SLC16A7: variants seen among roughly 807,000 people sequenced by gnomAD.
SLC16A7 encodes the protein monocarboxylate transporter 2.
In SLC16A7, 33 loss-of-function variants were observed where a neutral mutation model predicts 34.9. That is an observed-to-expected ratio of 0.94 (90% CI 0.72 to 1.26). SLC16A7 has a LOEUF of 1.26. Ranked by LOEUF, SLC16A7 falls within the 50% of genes most tolerant of loss-of-function variation. The pLI is 0.00. For synonymous variants in SLC16A7, 201 were observed against 206.6 expected (o/e 0.97, Z 0.23); for missense variants, 573 against 578.1 (o/e 0.99, Z 0.09).
At position 59,734,445 on chromosome 12, in the gene SLC16A7, AG is replaced by A. The variant is rs537326831; in HGVS notation, c.217+29433del. 9.2e-5 allele frequency among the ~76,000 whole-genome samples: 14 copies of A among 152,316 alleles called. No individual in the cohort carries two copies. In the South Asian group the frequency reaches 2.7e-3, roughly 29 times the overall value. ...CAGGCACTTCTGAGCCTGCAGGGGC[AG>A]GGGGGCTTCCTGGGCCCCAGAGAGT... On this transcript the variant is annotated intron_variant, in intron 3 of 5. Coordinates refer to ENST00000547379, the MANE Select transcript of SLC16A7 (RefSeq NM_001270623.2).
intron 2 of SLC16A7, among the ~76,000 whole-genome samples, chr12:59,661,073 A>G (rs1868824952): frequency 6.6e-6 from 1 of 151,998 alleles, no homozygotes; most frequent in Non-Finnish European, 1.5e-5. Flanking sequence ...TGTTATTCCT[A>G]TGTGGAGGAG....
intron 2 of SLC16A7, among the ~76,000 whole-genome samples, chr12:59,689,967 A>G (rs765839917): frequency 2.6e-5 from 4 of 151,992 alleles, no homozygotes; most frequent in African/African-American, 7.2e-5. Flanking sequence ...GCTCTCTATG[A>G]TGCTTCCAAC....
chr12:59,779,481 TGTG>T lies in SLC16A7; in HGVS notation c.1242_1244del (p.Val415del). Reference sequence around the variant, plus strand: ...ACATGTACATGTCCTGTGGGGCTATTGTGGTAGCAGCAAGCGTGTGGCTGCTCA... The same window carrying T: ...ACATGTACATGTCCTGTGGGGCTATTGTAGCAGCAAGCGTGTGGCTGCTCA... On this transcript the variant is annotated inframe_deletion, in exon 6 of 6. Transcript: ENST00000547379. The T allele has an allele frequency of 6.2e-7, 1 of 1,611,718 alleles. No homozygotes were observed. Among genetic ancestry groups the T allele is most frequent in the Non-Finnish European group, 8.5e-7 (1 of 1,178,062 alleles).
At chr12:59,667,334 A>G (rs1277457144) in intron 2 of SLC16A7, among the ~76,000 whole-genome samples, 1 of 152,190 alleles carries the variant, frequency 6.6e-6, no homozygotes, top group Non-Finnish European at 1.5e-5. Context: ...AGGGCTCAGA[A>G]GACAGTAAGA....
At chr12:59,676,496 T>A (rs551835058) in intron 2 of SLC16A7, among the ~76,000 whole-genome samples, 1 of 152,096 alleles carries the variant, frequency 6.6e-6, no homozygotes, top group Non-Finnish European at 1.5e-5. Context: ...AATAATGGAT[T>A]TTTTTAACCA....
intron 3 of SLC16A7, among the ~76,000 whole-genome samples, chr12:59,721,442 T>G (rs1875578080): frequency 6.6e-6 from 1 of 151,986 alleles, no homozygotes; most frequent in African/African-American, 2.4e-5. Flanking sequence ...AAATTGTATC[T>G]TCTCTCTCCA....
rs1287600259 is a variant in SLC16A7, at chr12:59,604,512, T to A, written c.-130+8276T>A. Reference sequence around the variant, plus strand: ...TGTATAATAAGTGAATTTAAGGACATTGGACCAAATAAGTGGCTATTAAGT... The same window carrying A: ...TGTATAATAAGTGAATTTAAGGACAATGGACCAAATAAGTGGCTATTAAGT... On this transcript the variant is annotated intron_variant, in intron 1 of 5. Transcript: ENST00000547379. Among the ~76,000 whole-genome samples, 3 of 152,200 alleles carry A rather than the reference T, an allele frequency of 2.0e-5. No individual in the cohort carries two copies. In the East Asian group the frequency reaches 5.8e-4, roughly 29 times the overall value.
Position 59,781,988 on chromosome 12 carries a change from T to C in SLC16A7, c.*2309T>C, listed in dbSNP as rs1269868634. 2 of 152,198 alleles carry C rather than the reference T, an allele frequency of 1.3e-5. No individual in the cohort carries two copies. The highest frequency in any genetic ancestry group is 4.8e-5 in the African/African-American group (2 of 41,456). The allele number at this position is 152,198 out of a possible 1,614,324, so 9.4% of individuals were successfully genotyped here. A position where few individuals can be genotyped will look rare whatever the true frequency, so the allele number is the denominator to read the frequency against. On this transcript the variant is annotated 3_prime_UTR_variant, in exon 6 of 6. Coordinates refer to ENST00000547379, the MANE Select transcript of SLC16A7 (RefSeq NM_001270623.2). The stretch of plus-strand genomic sequence containing the variant: ...GCCTTCTCCAGGGAGGAGGTTTATT[T>C]ACTTACTGATGAGTTTCTCGTCACG...
chr12:59,740,425 C>T (rs1414607460), intron 3 of SLC16A7, among the ~76,000 whole-genome samples: 3 of 152,096 alleles, frequency 2.0e-5, no homozygotes, highest in Non-Finnish European at 4.4e-5. Flanking sequence ...GGTACCAGTA[C>T]CATGCTGTTT....
chr12:59,710,041 A>T (rs12307814), intron 3 of SLC16A7, among the ~76,000 whole-genome samples: 2 of 151,700 alleles, frequency 1.3e-5, no homozygotes, highest in East Asian at 1.9e-4. Context: ...AATATAAGTT[A>T]TATAAATTAT....
At chr12:59,653,941 C>T (rs1183780979) in intron 1 of SLC16A7, among the ~76,000 whole-genome samples, 1 of 151,578 alleles carries the variant, frequency 6.6e-6, no homozygotes, top group East Asian at 1.9e-4. Flanking sequence ...TTCTTGATTA[C>T]ATCTCAAAGT....
intron 5 of SLC16A7, 120 bp from the exon 6 acceptor site, chr12:59,779,303 A>G (rs1368615609): frequency 1.3e-6 from 1 of 745,344 alleles, no homozygotes. Flanking sequence ...TTATTTTTAA[A>G]GTCTTATTTG....
rs762631409 is a variant in SLC16A7 at position 59,779,416 on chromosome 12, C to G, written c.1181-7C>G. 1.3e-6 allele frequency: 2 copies of G among 1,569,598 alleles called. No homozygotes were observed. The highest frequency in any genetic ancestry group is 1.7e-6 in the Non-Finnish European group (2 of 1,154,434). Reference sequence around the variant, plus strand: ...TGCCAACTTAAAAGATGTTCTTTGTCTTCTAGGTAAATTGGTGGATTTAAC... The same window carrying G: ...TGCCAACTTAAAAGATGTTCTTTGTGTTCTAGGTAAATTGGTGGATTTAAC... On this transcript the variant is annotated splice_region_variant and splice_polypyrimidine_tract_variant and intron_variant, in intron 5 of 5. Coordinates refer to ENST00000547379, the MANE Select transcript of SLC16A7 (RefSeq NM_001270623.2).
intron 1 of SLC16A7, among the ~76,000 whole-genome samples, chr12:59,614,692 A>G (rs1879355958): frequency 6.6e-6 from 1 of 151,412 alleles, no homozygotes; most frequent in Admixed American, 6.6e-5. Context: ...CCCTTATATA[A>G]ATGAGGATCC....
intron 3 of SLC16A7, among the ~76,000 whole-genome samples, chr12:59,764,503 C>T (rs984237661): frequency 7.4e-6 from 1 of 134,862 alleles, no homozygotes; most frequent in African/African-American, 2.8e-5. Context: ...CCACAACAGT[C>T]CCCGGTGTGT....
intron 2 of SLC16A7, among the ~76,000 whole-genome samples, chr12:59,678,973 G>T (rs1870532629): frequency 6.6e-6 from 1 of 152,206 alleles, no homozygotes; most frequent in African/African-American, 2.4e-5. Context: ...CACCCAGCTG[G>T]GTTGCAACAG....
chr12:59,648,077 T>G (rs553791539), intron 1 of SLC16A7, among the ~76,000 whole-genome samples: 3 of 151,818 alleles, frequency 2.0e-5, no homozygotes, highest in Non-Finnish European at 1.5e-5. Context: ...ACAACAACAA[T>G]AAGAAGCCAG....
intron 2 of SLC16A7, among the ~76,000 whole-genome samples, chr12:59,671,805 A>T (rs1057003879): frequency 1.6e-4 from 22 of 141,704 alleles, no homozygotes; most frequent in Non-Finnish European, 2.4e-4. Flanking sequence ...ATATGTATAT[A>T]TGTGTATATA....
rs568785993 is a variant in SLC16A7 at position 59,640,595 on chromosome 12, C to T, written c.-129-14557C>T. ...CAGATAACAAGAGGATCCATGCCAC[C>T]GTTTACTACTAAAACTGTTTATCAT... On this transcript the variant is annotated intron_variant, in intron 1 of 5. Coordinates refer to ENST00000547379, the MANE Select transcript of SLC16A7 (RefSeq NM_001270623.2). Among the ~76,000 whole-genome samples, 102 of 152,062 alleles carry T rather than the reference C, an allele frequency of 6.7e-4. 1 individual carries two copies. Among genetic ancestry groups the T allele is most frequent in the African/African-American group, 2.1e-3 (89 of 41,510 alleles).
Sources: gnomAD v4.1 joint callset for allele counts (sites outside exome capture counted in the v4.1 genomes callset) on GRCh38, gnomAD v4.1.1 for gene constraint, MANE v1.5 for transcripts, NCBI Gene and HGNC (gene_info 2026-07-23, HGNC 2026-07-21) for gene names.